UGT1A4: variants seen among roughly 807,000 people sequenced by gnomAD.
UGT1A4 encodes UDP-glucuronosyltransferase 1A4.
Under a neutral mutation model 41.1 loss-of-function variants are expected in UGT1A4, and 32 were observed. That is an observed-to-expected ratio of 0.78 (90% CI 0.59 to 1.05). UGT1A4 has a LOEUF of 1.05. Among genes scored for constraint, UGT1A4 ranks in the 50% least tolerant of loss-of-function variants. The pLI is 0.00. For synonymous variants in UGT1A4, 283 were observed against 265.1 expected (o/e 1.07, Z -0.66); for missense variants, 748 against 677.4 (o/e 1.10, Z -1.16).
Position 233,768,285 on chromosome 2 carries a change from A to G in UGT1A4, c.1153A>G (p.Asn385Asp), listed in dbSNP as rs777289979. 6 of 1,614,202 alleles carry G rather than the reference A, an allele frequency of 3.7e-6. No individual in the cohort carries two copies. In the South Asian group the frequency reaches 6.6e-5, roughly 18 times the overall value. ...GSHGVYESIC[N>D]GVPMVMMPLF... is the part of the protein sequence containing the mutation. ...CCATGGTGTTTATGAAAGCATATGC[A>G]ATGGCGTTCCCATGGTGATGATGCC... Residue 385 changes from asparagine to aspartate, a missense_variant, in exon 4 of 5, where the codon AAT becomes GAT. By Grantham distance (23) the Asn-to-Asp change is conservative. Coordinates refer to ENST00000373409, the MANE Select transcript of UGT1A4 (RefSeq NM_007120.3).
chr2:233,770,760 A>G (rs1700148901), intron 4 of UGT1A4: 1 of 152,240 alleles, frequency 6.6e-6, no homozygotes, highest in Non-Finnish European at 1.5e-5. Context: ...CTAATATTAC[A>G]TTATAATAAT....
chr2:233,725,118 G>C (rs1450437592), intron 1 of UGT1A4, among the ~76,000 whole-genome samples: 1 of 140,180 alleles, frequency 7.1e-6, no homozygotes, highest in Non-Finnish European at 1.5e-5. Context: ...GGAGGTTGCA[G>C]TGAGCCGAGA....
chr2:233,721,816 C>T, intron 1 of UGT1A4: 1 of 516,128 alleles, frequency 1.9e-6, no homozygotes, highest in Non-Finnish European at 3.9e-6. Flanking sequence ...AAATCCAGCA[C>T]CCTATTTGGG....
At chr2:233,724,375 C>T (rs1318597710) in intron 1 of UGT1A4, among the ~76,000 whole-genome samples, 19 of 143,100 alleles carry the variant, frequency 1.3e-4, no homozygotes, top group South Asian at 7.3e-4. Context: ...GGGTGGCTGC[C>T]GGGCGGAGAC....
chr2:233,737,036 C>T (rs2078836192), intron 1 of UGT1A4, among the ~76,000 whole-genome samples: 1 of 152,178 alleles, frequency 6.6e-6, no homozygotes, highest in Non-Finnish European at 1.5e-5. Flanking sequence ...TCTCAGAGCT[C>T]AAATGCCATA....
intron 1 of UGT1A4, chr2:233,747,090 C>T (rs999571843): frequency 1.8e-5 from 23 of 1,247,242 alleles, no homozygotes; most frequent in Non-Finnish European, 6.6e-6. Flanking sequence ...GAGGAGAGCA[C>T]TCTATCTTCC....
rs144094855 is a variant in UGT1A4 at position 233,720,325 on chromosome 2, G to A, written c.867+638G>A. On this transcript the variant is annotated intron_variant, in intron 1 of 4. Coordinates refer to ENST00000373409, the MANE Select transcript of UGT1A4 (RefSeq NM_007120.3). ...GTCTGGTGTATGATGTGGGGACATC[G>A]TAGAGTTTGGAAGGTATGGTGATGG... Among the ~76,000 whole-genome samples the A allele has an allele frequency of 7.7e-4, 117 of 152,214 alleles. 2 individuals are homozygous for A. The highest frequency in any genetic ancestry group is 2.4e-3 in the African/African-American group (101 of 41,542).
intron 1 of UGT1A4, chr2:233,755,146 C>A: frequency 7.7e-7 from 1 of 1,304,902 alleles, no homozygotes; most frequent in Non-Finnish European, 1.0e-6. Flanking sequence ...CTTCTCACCG[C>A]TTCCTCCCTG....
intron 1 of UGT1A4, chr2:233,760,107 A>T: frequency 8.4e-7 from 1 of 1,186,456 alleles, no homozygotes; most frequent in South Asian, 1.6e-5. Flanking sequence ...GCCTATTAAG[A>T]AACCTAATAA....
At chr2:233,757,637 C>G (rs375047032) in intron 1 of UGT1A4, among the ~76,000 whole-genome samples, 3 of 148,590 alleles carry the variant, frequency 2.0e-5, no homozygotes, top group Non-Finnish European at 4.5e-5. Context: ...CAGAACAGAA[C>G]AAAATGCTGT....
rs1559415650 is a variant in UGT1A4, at chr2:233,768,355, A to G, written c.1223A>G (p.Lys408Arg). ...GACAATGCAAAGCGCATGGAGACTA[A>G]GGGAGCTGGAGTGACCCTGAATGTT... is the stretch of plus-strand genomic sequence containing the variant. The part of the protein sequence containing the change: ...QMDNAKRMET[K>R]GAGVTLNVLE... The change falls in exon 4 of 5, where the codon AAG becomes AGG. Residue 408 changes from lysine to arginine, a missense_variant. Coordinates refer to ENST00000373409, the MANE Select transcript of UGT1A4 (RefSeq NM_007120.3). The G allele has an allele frequency of 6.2e-7, 1 of 1,614,200 alleles. No individual in the cohort carries two copies. The highest frequency in any genetic ancestry group is 1.1e-5 in the South Asian group (1 of 91,084).
chr2:233,740,547 G>A (rs1575636319), intron 1 of UGT1A4: 1 of 151,824 alleles, frequency 6.6e-6, no homozygotes, highest in African/African-American at 2.4e-5. Flanking sequence ...ACTCCAGCCA[G>A]AAAAAATGTC....
chr2:233,761,267 C>T, intron 1 of UGT1A4: 1 of 1,593,550 alleles, frequency 6.3e-7, no homozygotes, highest in South Asian at 1.1e-5. Flanking sequence ...TTTAAAATGC[C>T]CTCTTTTGTT....
In UGT1A4 at chr2:233,743,533, T is replaced by C. The variant is rs755870649; in HGVS notation, c.868-23501T>C. 6.6e-6 allele frequency: 9 copies of C among 1,367,096 alleles called. No individual in the cohort carries two copies. The African/African-American group carries it at 1.0e-4, about 16-fold the overall frequency. The allele number at this position is 1,367,096 out of a possible 1,614,324, so 84.7% of individuals were successfully genotyped here. ...CGCTCTGCTTCTGCTTCCCCAGCAG[T>C]TCCTCTGACCCCCCCAAAATATTCT... On this transcript the variant is annotated intron_variant, in intron 1 of 4. Coordinates refer to ENST00000373409, the MANE Select transcript of UGT1A4 (RefSeq NM_007120.3).
intron 1 of UGT1A4, among the ~76,000 whole-genome samples, chr2:233,725,123 C>T (rs1575559586): frequency 7.2e-6 from 1 of 137,948 alleles, no homozygotes; most frequent in South Asian, 2.6e-4. Flanking sequence ...TTGCAGTGAG[C>T]CGAGATGGCA....
In UGT1A4 at chr2:233,760,364, ATGCTGGGAAGATAC is replaced by A. The variant is rs775463336; in HGVS notation, c.868-6667_868-6654del. 13 of 1,614,036 alleles carry A rather than the reference ATGCTGGGAAGATAC, an allele frequency of 8.1e-6. No homozygotes were observed. In the African/African-American group the frequency reaches 1.6e-4, roughly 20 times the overall value. On this transcript the variant is annotated intron_variant, in intron 1 of 4. Coordinates refer to ENST00000373409, the MANE Select transcript of UGT1A4 (RefSeq NM_007120.3). ...TGTGTGCTGGGCCCAGTGGTGTCCC[ATGCTGGGAAGATAC>A]TGTTGATCCCAGTGGATGGCAGCCA... is the stretch of plus-strand genomic sequence containing the variant.
intron 1 of UGT1A4, among the ~76,000 whole-genome samples, chr2:233,750,204 T>G: frequency 6.6e-6 from 1 of 151,878 alleles, no homozygotes; most frequent in East Asian, 1.9e-4. Context: ...AAGTCCAGGC[T>G]GAGTCTCAGA....
At position 233,749,692 on chromosome 2, in the gene UGT1A4, G is replaced by A. The variant is rs182705299; in HGVS notation, c.868-17342G>A. The stretch of plus-strand genomic sequence containing the variant: ...CCCCACGTGTCAAGGACAGGATCTG[G>A]TGGGAGGTGATTGGATCATGGGGGC... On this transcript the variant is annotated intron_variant, in intron 1 of 4. Transcript: ENST00000373409. Among the ~76,000 whole-genome samples the A allele has an allele frequency of 1.6e-4, 24 of 151,978 alleles. No homozygotes were observed. In the East Asian group the frequency reaches 4.2e-3, roughly 27 times the overall value.
chr2:233,753,865 C>T (rs560460253), intron 1 of UGT1A4, among the ~76,000 whole-genome samples: 1 of 152,330 alleles, frequency 6.6e-6, no homozygotes, highest in East Asian at 1.9e-4. Context: ...CACATAACCC[C>T]AAGGTCTGTC....
Sources: allele counts gnomAD v4.1 joint callset (sites outside exome capture counted in the v4.1 genomes callset), GRCh38; gene constraint gnomAD v4.1.1; transcripts MANE v1.5; gene names NCBI Gene and HGNC (gene_info 2026-07-23, HGNC 2026-07-21).